Variants in MYCBP2 observed in about 807,000 individuals in gnomAD.
MYCBP2 encodes the protein MYC binding protein 2.
A neutral mutation model predicts 525.3 loss-of-function variants in MYCBP2; 120 were observed. The ratio of observed to expected loss-of-function variants is 0.23; its 90% CI spans 0.20 to 0.27. MYCBP2 has a LOEUF of 0.27. Among genes scored for constraint, MYCBP2 ranks in the 10% least tolerant of loss-of-function variants. The probability of loss-of-function intolerance (pLI) is 1.00; values close to 1 mark genes in which losing one functional copy is unlikely to be tolerated. For missense variants in MYCBP2, 4,149 were observed against 5,657.1 expected, an observed-to-expected ratio of 0.73 and a Z score of 8.55; for synonymous variants, 1,894 against 1,955.8, an observed-to-expected ratio of 0.97 and a Z score of 0.83.
chr13:77,137,738 G>A (rs972082960), intron 52 of MYCBP2, among the ~76,000 whole-genome samples: 16 of 151,970 alleles, frequency 1.1e-4, no homozygotes, highest in South Asian at 6.2e-4. Context: ...ACAGGTGCCC[G>A]CCACCACACC....
At chr13:77,269,027 C>G (rs2074484372) in intron 7 of MYCBP2, among the ~76,000 whole-genome samples, 1 of 152,282 alleles carries the variant, frequency 6.6e-6, no homozygotes, top group South Asian at 2.1e-4. Context: ...AAAAATATTT[C>G]TAGTCCCTCT....
At chr13:77,171,013 T>C (rs929233558) in intron 38 of MYCBP2, among the ~76,000 whole-genome samples, 10 of 152,288 alleles carry the variant, frequency 6.6e-5, no homozygotes, top group Non-Finnish European at 1.3e-4. Context: ...ACTTGCACCA[T>C]GGCAGTCTAA....
In MYCBP2 at chr13:77,263,907, A is replaced by T. The variant is rs754178171; in HGVS notation, c.1431+22T>A. The T allele has an allele frequency of 4.4e-6, 7 of 1,607,734 alleles. 1 individual carries two copies. The South Asian group carries it at 4.4e-5, about 10-fold the overall frequency. On this transcript the variant is annotated intron_variant, in intron 9 of 82. Coordinates refer to ENST00000544440, the MANE Select transcript of MYCBP2 (RefSeq NM_015057.5). ...AAAAGGAATTCCATTTACACTAGCTACTTAAGATTCAGGATACTTACATCT... is the reference window on the plus strand; with the variant it reads ...AAAAGGAATTCCATTTACACTAGCTTCTTAAGATTCAGGATACTTACATCT...
chr13:77,115,947 T>A (rs1283154304), intron 55 of MYCBP2, among the ~76,000 whole-genome samples: 5 of 151,588 alleles, frequency 3.3e-5, no homozygotes. Context: ...AAAATATATA[T>A]ATATTAAAGT....
At chr13:77,191,600 A>C in intron 28 of MYCBP2, 79 bp downstream of exon 28, 1 of 1,508,928 alleles carries the variant, frequency 6.6e-7, no homozygotes, top group South Asian at 1.2e-5. Context: ...AATCCTGCTG[A>C]AAGTACTCTG....
rs764752812 is a variant in MYCBP2, at chr13:77,166,372, A to T, written c.6297T>A (p.Phe2099Leu). The stretch of plus-strand genomic sequence containing the variant: ...TAGTAGGCCACCCAGAGGATCCTGA[A>T]AATTTCTTTAATTCTATCCATGAAT... ...NLNSWIELKK[F>L]SGSSGWPTMV... Residue 2099 changes from phenylalanine (F) to leucine (L), a missense_variant, in exon 41 of 83, where the codon TTT (phenylalanine) becomes TTA (leucine). Coordinates refer to ENST00000544440, the MANE Select transcript of MYCBP2 (RefSeq NM_015057.5). The T allele has an allele frequency of 2.2e-5, 36 of 1,613,896 alleles. No individual in the cohort carries two copies. The highest frequency in any genetic ancestry group is 3.1e-5 in the Non-Finnish European group (36 of 1,179,914).
At position 77,225,504 on chromosome 13, in the gene MYCBP2, G is replaced by A. The variant is rs1195231668; in HGVS notation, c.2788C>T (p.Pro930Ser). The A allele has an allele frequency of 6.2e-7, 1 of 1,613,508 alleles. No individual in the cohort carries two copies. Among genetic ancestry groups the A allele is most frequent in the Non-Finnish European group, 8.5e-7 (1 of 1,179,664 alleles). Residue 930 changes from proline to serine, a missense_variant, in exon 19 of 83, where the codon CCT becomes TCT. By Grantham distance (74) the Pro-to-Ser change is moderately conservative. Coordinates refer to ENST00000544440, the MANE Select transcript of MYCBP2 (RefSeq NM_015057.5). ...CAGTCAAATCGCACAGAGCCTGGAG[G>A]GTATGTTGTGATTTTGCTTGCATCC... ...EKDASKITTY[P>S]PGSVRFDCEL... is the part of the protein sequence containing the mutation.
At chr13:77,089,218 T>C (rs1032478116) in intron 60 of MYCBP2, among the ~76,000 whole-genome samples, 187 bp from the exon 61 acceptor site, 1 of 152,116 alleles carries the variant, frequency 6.6e-6, no homozygotes, top group Non-Finnish European at 1.5e-5. Context: ...TCTCTGAAAG[T>C]CATATAGCTA....
At chr13:77,235,235 C>A in intron 17 of MYCBP2, among the ~76,000 whole-genome samples, 1 of 151,912 alleles carries the variant, frequency 6.6e-6, no homozygotes. Flanking sequence ...ACAATAAATG[C>A]TATAAAAGAA....
In MYCBP2 at chr13:77,099,004, C is replaced by G; in HGVS notation, c.8150G>C (p.Gly2717Ala). The part of the protein sequence containing the change: ...YGLGNSKGDR[G>A]NISTSSKPAS... ...TGGTTTAGAAGATGTTGAGATGTTT[C>G]CTCGATCACCTGTATGGTCCATTTT... The change falls in exon 56 of 83, where the codon GGA (glycine) becomes GCA (alanine). Residue 2717 changes from glycine to alanine, a missense_variant. Gly to Ala is a moderately conservative substitution (Grantham distance 60, BLOSUM62 0). This residue lies in a region of MYCBP2 where 653 missense variants were observed against 744.7 expected (regional missense o/e 0.88). Transcript: ENST00000544440. The G allele has an allele frequency of 6.2e-7, 1 of 1,605,210 alleles. No homozygotes were observed. Among genetic ancestry groups the G allele is most frequent in the Non-Finnish European group, 8.5e-7 (1 of 1,179,036 alleles).
intron 26 of MYCBP2, among the ~76,000 whole-genome samples, chr13:77,201,572 C>T (rs1161923694): frequency 6.6e-6 from 1 of 151,442 alleles, no homozygotes; most frequent in African/African-American, 2.4e-5. Flanking sequence ...CTCTCCACCC[C>T]AAATCAACAG....
intron 18 of MYCBP2, among the ~76,000 whole-genome samples, chr13:77,228,608 A>C (rs2154298671): frequency 6.6e-6 from 1 of 152,178 alleles, no homozygotes; most frequent in South Asian, 2.1e-4. Flanking sequence ...AAACATTGTC[A>C]ATAAAAAATT....
At position 77,176,662 on chromosome 13, in the gene MYCBP2, C is replaced by T. The variant is rs1318412668; in HGVS notation, c.5341-34G>A. 3.4e-6 allele frequency: 5 copies of T among 1,459,754 alleles called. No homozygotes were observed. The South Asian group carries it at 4.9e-5, about 14-fold the overall frequency. The allele number at this position is 1,459,754 out of a possible 1,614,324, so 90.4% of individuals were successfully genotyped here. A position where few individuals can be genotyped will look rare whatever the true frequency, so the allele number is the denominator to read the frequency against. ...AAAAAATGAAACACAAAAATTCCAA[C>T]AGACTCTTAATTTTATTGTATGAAC... is the stretch of plus-strand genomic sequence containing the variant. On this transcript the variant is annotated intron_variant, in intron 35 of 82. Coordinates refer to ENST00000544440, the MANE Select transcript of MYCBP2 (RefSeq NM_015057.5).
intron 68 of MYCBP2, among the ~76,000 whole-genome samples, chr13:77,075,199 C>A (rs2042070885): frequency 1.3e-5 from 2 of 152,032 alleles, no homozygotes; most frequent in Admixed American, 6.6e-5. Flanking sequence ...CAGAGAGAGA[C>A]CCGGTCTCAA....
intron 18 of MYCBP2, among the ~76,000 whole-genome samples, chr13:77,230,939 A>T (rs1306546334): frequency 1.3e-5 from 2 of 152,208 alleles, no homozygotes; most frequent in South Asian, 2.1e-4. Context: ...CAAATTAGGG[A>T]TGTTCAACAT....
chr13:77,270,655 T>C, intron 5 of MYCBP2, 117 bp from the exon 6 acceptor site: 1 of 1,107,980 alleles, frequency 9.0e-7, no homozygotes, highest in South Asian at 1.9e-5. Flanking sequence ...CAGAATGATA[T>C]TTCGCATGCC....
Position 77,126,353 on chromosome 13 carries a change from A to G in MYCBP2, c.7849T>C (p.Leu2617=), listed in dbSNP as rs2051674343. ...GCTTTGACTTTGTTTCCCAGAACTAACATTCCAATTGGGATACCTCTAAGG... is the reference window on the plus strand; with the variant it reads ...GCTTTGACTTTGTTTCCCAGAACTAGCATTCCAATTGGGATACCTCTAAGG... ...PNLRGIPIGM[L]VLGNKVKAVG... The change falls in exon 53 of 83, where the codon TTA becomes CTA. Residue 2617 remains leucine (L), a synonymous_variant. Coordinates refer to ENST00000544440, the MANE Select transcript of MYCBP2 (RefSeq NM_015057.5). 1.2e-6 allele frequency: 2 copies of G among 1,613,874 alleles called. No individual in the cohort carries two copies. Among genetic ancestry groups the G allele is most frequent in the Admixed American group, 1.7e-5 (1 of 60,010 alleles).
chr13:77,255,373 A>T (rs1040846401), intron 14 of MYCBP2, among the ~76,000 whole-genome samples: 1 of 151,916 alleles, frequency 6.6e-6, no homozygotes, highest in South Asian at 2.1e-4. Flanking sequence ...GATTCTTATT[A>T]AAAAAATCTT....
chr13:77,259,672 T>C (rs947790237), intron 13 of MYCBP2, among the ~76,000 whole-genome samples: 2 of 152,204 alleles, frequency 1.3e-5, no homozygotes, highest in Non-Finnish European at 2.9e-5. Flanking sequence ...CAGGTGTAAT[T>C]TCCCCAGCAT....
Sources: allele counts gnomAD v4.1 joint callset (sites outside exome capture counted in the v4.1 genomes callset), GRCh38; gene constraint gnomAD v4.1.1; regional missense constraint gnomAD v4.1.1; transcripts MANE v1.5; gene names NCBI Gene and HGNC (gene_info 2026-07-23, HGNC 2026-07-21).